The following SEMA3A variants were observed in gnomAD, a reference collection of about 807,000 sequenced individuals.
SEMA3A encodes semaphorin-3A.
Under a neutral mutation model 97.9 loss-of-function variants are expected in SEMA3A, and 29 were observed. The ratio of observed to expected loss-of-function variants is 0.30; its 90% CI spans 0.22 to 0.40. The LOEUF (loss-of-function observed/expected upper bound fraction) is 0.40, where lower values mean the gene tolerates loss of function less well. SEMA3A is among the 10% of genes least tolerant of loss of function. The pLI, the probability that SEMA3A is intolerant of heterozygous loss-of-function variation, is 1.00. For synonymous variants in SEMA3A, 321 were observed against 323.7 expected, an observed-to-expected ratio of 0.99 and a Z score of 0.09; for missense variants, 763 against 951.3, an observed-to-expected ratio of 0.80 and a Z score of 2.60.
intron 3 of SEMA3A, among the ~76,000 whole-genome samples, chr7:84,280,072 AT>A (rs1800402145): frequency 6.6e-6 from 1 of 151,748 alleles, no homozygotes; most frequent in East Asian, 1.9e-4. Flanking sequence ...TGATTTTTGT[AT>A]TTTTTTGGAG....
intron 1 of SEMA3A, among the ~76,000 whole-genome samples, chr7:84,425,872 A>ACACACC (rs147769914): frequency 8.6e-6 from 1 of 116,346 alleles, no homozygotes; most frequent in African/African-American, 4.9e-5. Flanking sequence ...ACACACACAC[A>ACACACC]CACACCCACA....
intron 12 of SEMA3A, among the ~76,000 whole-genome samples, chr7:83,995,602 A>AG (rs1790184094): frequency 6.6e-6 from 1 of 152,188 alleles, no homozygotes; most frequent in Non-Finnish European, 1.5e-5. Flanking sequence ...TTTTTTTCTG[A>AG]GAAATAGCAG....
At chr7:84,386,409 C>T (rs1299872098) in intron 1 of SEMA3A, among the ~76,000 whole-genome samples, 3 of 152,098 alleles carry the variant, frequency 2.0e-5, no homozygotes, top group Non-Finnish European at 4.4e-5. Flanking sequence ...GGGAGACAGA[C>T]TGAAAAATGG....
chr7:84,466,420 G>A (rs530569150), intron 1 of SEMA3A, among the ~76,000 whole-genome samples: 6 of 152,122 alleles, frequency 3.9e-5, no homozygotes, highest in East Asian at 1.9e-4. Flanking sequence ...TGATCCACCC[G>A]CCTCAGCCTC....
At position 84,063,205 on chromosome 7, in the gene SEMA3A, G is replaced by T. The variant is rs377564186; in HGVS notation, c.454-2647C>A. The stretch of plus-strand genomic sequence containing the variant: ...GTATTCCAACAGACCTGCAGCTGAG[G>T]GTCCTGTCTGTTAGAAGGAAAACTA... On this transcript the variant is annotated intron_variant, in intron 4 of 16. Transcript: ENST00000265362. Among the ~76,000 whole-genome samples the T allele has an allele frequency of 1.1e-3, 174 of 151,460 alleles. 1 individual carries two copies. The East Asian group carries it at 0.014, about 12-fold the overall frequency.
intron 1 of SEMA3A, among the ~76,000 whole-genome samples, chr7:84,479,226 G>T (rs1478846817): frequency 6.6e-6 from 1 of 152,144 alleles, no homozygotes; most frequent in Non-Finnish European, 1.5e-5. Context: ...AAGGTTAATG[G>T]ACAGTGATTA....
chr7:84,280,947 T>C (rs1309336264), intron 3 of SEMA3A, among the ~76,000 whole-genome samples: 1 of 152,204 alleles, frequency 6.6e-6, no homozygotes, highest in East Asian at 1.9e-4. Context: ...AATCTTTTAA[T>C]ATGGAATGTT....
At position 84,275,368 on chromosome 7, in the gene SEMA3A, A is replaced by G. The variant is rs928831570; in HGVS notation, c.-83+31839T>C. Among the ~76,000 whole-genome samples the G allele has an allele frequency of 6.0e-4, 91 of 152,262 alleles. 1 individual carries two copies. The highest frequency in any genetic ancestry group is 2.1e-3 in the African/African-American group (86 of 41,566). On this transcript the variant is annotated intron_variant, in intron 3 of 3. Coordinates refer to the SEMA3A transcript ENST00000424555. ...AAGCATCAATGTCAATACAATATCA[A>G]ATATTTGTAAACTCTAATTCACTTT...
intron 1 of SEMA3A, among the ~76,000 whole-genome samples, chr7:84,484,541 A>T (rs1370772700): frequency 1.6e-5 from 2 of 125,314 alleles, no homozygotes; most frequent in Non-Finnish European, 3.2e-5. Flanking sequence ...TCACTTGTTC[A>T]CTTTCACACA....
intron 1 of SEMA3A, among the ~76,000 whole-genome samples, chr7:84,419,366 G>C (rs1475192616): frequency 6.6e-6 from 1 of 152,046 alleles, no homozygotes; most frequent in Non-Finnish European, 1.5e-5. Context: ...ATACAGCTAT[G>C]TATTGTTATT....
At chr7:84,489,731 C>T (rs983605822) in intron 1 of SEMA3A, among the ~76,000 whole-genome samples, 5 of 133,554 alleles carry the variant, frequency 3.7e-5, no homozygotes, top group African/African-American at 9.4e-5. Flanking sequence ...GCGATGTTGG[C>T]GTTCAAAATT....
At chr7:84,095,148 A>C (rs1366237476) in intron 4 of SEMA3A, among the ~76,000 whole-genome samples, 1 of 147,786 alleles carries the variant, frequency 6.8e-6, no homozygotes, top group Admixed American at 6.8e-5. Flanking sequence ...TGCATATTAT[A>C]TATTGTATAT....
intron 3 of SEMA3A, among the ~76,000 whole-genome samples, chr7:84,297,382 A>T (rs565257798): frequency 3.4e-4 from 51 of 152,216 alleles, no homozygotes; most frequent in African/African-American, 1.1e-3. Context: ...CCATAATTTG[A>T]TCTTAATTTT....
chr7:84,471,148 T>C (rs1806135259), intron 1 of SEMA3A, among the ~76,000 whole-genome samples: 1 of 152,092 alleles, frequency 6.6e-6, no homozygotes, highest in African/African-American at 2.4e-5. Context: ...ACTAAGTCAT[T>C]TCCCCCCATC....
intron 4 of SEMA3A, among the ~76,000 whole-genome samples, chr7:84,086,575 C>A (rs551713398): frequency 1.2e-3 from 66 of 54,398 alleles, no homozygotes; most frequent in African/African-American, 2.3e-3. Flanking sequence ...ATTATATTTA[C>A]ATATAATATA....
At chr7:84,086,516 T>G (rs1465863837) in intron 4 of SEMA3A, among the ~76,000 whole-genome samples, 7 of 52,372 alleles carry the variant, frequency 1.3e-4, no homozygotes, top group Admixed American at 3.0e-4. Flanking sequence ...TATATTATAT[T>G]TATATATAAT....
chr7:84,446,581 T>G (rs531781371), intron 1 of SEMA3A, among the ~76,000 whole-genome samples: 1 of 152,248 alleles, frequency 6.6e-6, no homozygotes, highest in East Asian at 1.9e-4. Flanking sequence ...TCTTAAGATG[T>G]ACAAAAAGCA....
chr7:84,014,386 C>T lies in SEMA3A; in HGVS notation c.668-35G>A, dbSNP rs770779932. The T allele has an allele frequency of 5.9e-6, 9 of 1,526,668 alleles. No homozygotes were observed. In the Admixed American group the frequency reaches 1.0e-4, roughly 17 times the overall value. 94.6% of individuals were successfully genotyped at this position (1,526,668 alleles called of 1,614,324 possible). A position where few individuals can be genotyped will look rare whatever the true frequency, so the allele number is the denominator to read the frequency against. ...AAATAATAGCGTATATATTAATTCACAGCTTAATAAATAATACCATTCTGA... is the reference window on the plus strand; with the variant it reads ...AAATAATAGCGTATATATTAATTCATAGCTTAATAAATAATACCATTCTGA... On this transcript the variant is annotated intron_variant, in intron 6 of 16. Transcript: ENST00000265362.
At chr7:84,030,550 C>T (rs989318254) in intron 6 of SEMA3A, among the ~76,000 whole-genome samples, 3 of 152,070 alleles carry the variant, frequency 2.0e-5, no homozygotes, top group African/African-American at 7.2e-5. Flanking sequence ...AGAAAATATA[C>T]CAATTCTTCC....
Sources: gnomAD v4.1 joint callset for allele counts (sites outside exome capture counted in the v4.1 genomes callset) on GRCh38, gnomAD v4.1.1 for gene constraint, MANE v1.5 for transcripts, NCBI Gene and HGNC (gene_info 2026-07-23, HGNC 2026-07-21) for gene names.